The following STXBP5L variants were observed in gnomAD, a reference collection of about 807,000 sequenced individuals.
STXBP5L encodes syntaxin-binding protein 5-like.
A neutral mutation model predicts 144.5 loss-of-function variants in STXBP5L; 65 were observed. That is an observed-to-expected ratio of 0.45 (90% CI 0.37 to 0.55). The LOEUF (loss-of-function observed/expected upper bound fraction) is 0.55. Ranked by LOEUF, STXBP5L falls within the 20% of genes least tolerant of loss-of-function variation. STXBP5L has a pLI of 0.00. For missense variants in STXBP5L, 1,298 were observed against 1,405.5 expected (o/e 0.92, Z 1.22); for synonymous variants, 505 against 469.6 (o/e 1.08, Z -0.97).
intron 18 of STXBP5L, among the ~76,000 whole-genome samples, chr3:121,273,623 C>T (rs2050792460): frequency 6.6e-6 from 1 of 152,106 alleles, no homozygotes; most frequent in Non-Finnish European, 1.5e-5. Flanking sequence ...TCCTCTGAAT[C>T]TCCCATAATG....
At chr3:121,116,199 G>A (rs554320045) in intron 6 of STXBP5L, among the ~76,000 whole-genome samples, 4 of 152,238 alleles carry the variant, frequency 2.6e-5, no homozygotes, top group East Asian at 1.9e-4. Flanking sequence ...TTGATAAGAT[G>A]TTTGACTTGA....
chr3:121,303,166 A>T (rs2051992821), intron 19 of STXBP5L, among the ~76,000 whole-genome samples: 2 of 152,224 alleles, frequency 1.3e-5, no homozygotes, highest in Non-Finnish European at 2.9e-5. Flanking sequence ...ATCTACAATG[A>T]ACTCAAACAA....
chr3:121,094,771 C>T (rs1420036250), intron 5 of STXBP5L, among the ~76,000 whole-genome samples: 1 of 152,098 alleles, frequency 6.6e-6, no homozygotes, highest in African/African-American at 2.4e-5. Context: ...AGTCCATTTA[C>T]ATTGAAAGTT....
At chr3:121,009,733 C>G (rs1345651599) in intron 3 of STXBP5L, among the ~76,000 whole-genome samples, 1 of 151,838 alleles carries the variant, frequency 6.6e-6, no homozygotes, top group East Asian at 1.9e-4. Flanking sequence ...GAATGTACCA[C>G]TTCTATCATG....
At chr3:121,305,160 T>A (rs1480243523) in intron 19 of STXBP5L, among the ~76,000 whole-genome samples, 1 of 152,178 alleles carries the variant, frequency 6.6e-6, no homozygotes, top group East Asian at 1.9e-4. Context: ...TAACATTTTT[T>A]AATTCAAAAT....
At chr3:121,103,062 C>G (rs2043509503) in intron 5 of STXBP5L, among the ~76,000 whole-genome samples, 1 of 152,034 alleles carries the variant, frequency 6.6e-6, no homozygotes, top group Non-Finnish European at 1.5e-5. Context: ...CAAATGCTGG[C>G]AAAGCTGTGG....
chr3:121,053,374 G>C (rs988329847), intron 5 of STXBP5L, among the ~76,000 whole-genome samples: 6 of 152,092 alleles, frequency 3.9e-5, no homozygotes, highest in African/African-American at 1.4e-4. Flanking sequence ...AAACAGCATG[G>C]TACTGGTACC....
At chr3:121,314,733 C>T (rs1289917647) in intron 19 of STXBP5L, among the ~76,000 whole-genome samples, 7 of 152,136 alleles carry the variant, frequency 4.6e-5, no homozygotes, top group African/African-American at 1.7e-4. Context: ...GCAACCTACT[C>T]ATCTGACAAA....
intron 3 of STXBP5L, among the ~76,000 whole-genome samples, chr3:121,021,035 C>A (rs9849720): frequency 0.1 from 15,417 of 152,008 alleles, 1,029 homozygotes; most frequent in Non-Finnish European, 0.15. Context: ...TCACCTTCCA[C>A]ATAAGGACTC....
chr3:121,182,540 A>G (rs1268707842), intron 9 of STXBP5L, among the ~76,000 whole-genome samples: 1 of 152,186 alleles, frequency 6.6e-6, no homozygotes. Context: ...GAAAAAGCTT[A>G]CAGCATTAAA....
chr3:121,071,362 T>C (rs1240350302), intron 5 of STXBP5L, among the ~76,000 whole-genome samples: 1 of 152,230 alleles, frequency 6.6e-6, no homozygotes, highest in Non-Finnish European at 1.5e-5. Flanking sequence ...TCTGTTTGTG[T>C]GACTAGAGCA....
intron 5 of STXBP5L, among the ~76,000 whole-genome samples, chr3:121,063,957 C>T (rs1353660036): frequency 1.3e-5 from 2 of 152,124 alleles, no homozygotes; most frequent in Non-Finnish European, 2.9e-5. Flanking sequence ...TGAGCTAGAC[C>T]ACTTGGATCC....
intron 20 of STXBP5L, among the ~76,000 whole-genome samples, chr3:121,352,067 T>C (rs940299232): frequency 6.6e-6 from 1 of 152,182 alleles, no homozygotes; most frequent in African/African-American, 2.4e-5. Context: ...ACCAGTACCA[T>C]GCTGTTTTGT....
intron 3 of STXBP5L, among the ~76,000 whole-genome samples, chr3:121,027,612 T>C (rs1218784432): frequency 6.6e-6 from 1 of 152,202 alleles, no homozygotes; most frequent in South Asian, 2.1e-4. Context: ...CATGTTGCAT[T>C]ACCCTGACAC....
At chr3:121,388,374 T>C (rs1453990591) in intron 22 of STXBP5L, among the ~76,000 whole-genome samples, 1 of 152,182 alleles carries the variant, frequency 6.6e-6, no homozygotes, top group Non-Finnish European at 1.5e-5. Context: ...TTTTTCCTAA[T>C]TGAATACCCC....
At chr3:121,375,966 C>T (rs1437105853) in intron 20 of STXBP5L, among the ~76,000 whole-genome samples, 1 of 152,258 alleles carries the variant, frequency 6.6e-6, no homozygotes, top group East Asian at 1.9e-4. Context: ...ATAAGACATA[C>T]TTTAATGCAT....
intron 7 of STXBP5L, among the ~76,000 whole-genome samples, chr3:121,126,603 A>G (rs1182249879): frequency 6.6e-6 from 1 of 152,230 alleles, no homozygotes; most frequent in African/African-American, 2.4e-5. Context: ...TGTTTAATTG[A>G]TATGGGGTAA....
chr3:121,287,868 A>G (rs921238162), intron 19 of STXBP5L, among the ~76,000 whole-genome samples: 2 of 152,146 alleles, frequency 1.3e-5, no homozygotes, highest in Non-Finnish European at 2.9e-5. Context: ...ACCAGAAAAC[A>G]TTGCTAAGAA....
At chr3:120,969,016 C>CT (rs1304564491) in intron 3 of STXBP5L, among the ~76,000 whole-genome samples, 1 of 152,000 alleles carries the variant, frequency 6.6e-6, no homozygotes, top group Non-Finnish European at 1.5e-5. Context: ...GTGCATGCAT[C>CT]TTTTTCATAT....
Sources: gnomAD v4.1 joint callset for allele counts (sites outside exome capture counted in the v4.1 genomes callset) on GRCh38, gnomAD v4.1.1 for gene constraint, MANE v1.5 for transcripts, NCBI Gene and HGNC (gene_info 2026-07-23, HGNC 2026-07-21) for gene names.